LRRC74A: variants seen among roughly 807,000 people sequenced by gnomAD.
LRRC74A encodes leucine-rich repeat-containing protein 74A.
LRRC74A carries 44 observed loss-of-function variants against 57.9 expected under a neutral mutation model. That is an observed-to-expected ratio of 0.76 (90% CI 0.60 to 0.98). The LOEUF is 0.98. Among genes scored for constraint, LRRC74A ranks in the 50% least tolerant of loss-of-function variants. The pLI, the probability that LRRC74A is intolerant of heterozygous loss-of-function variation, is 0.00. For synonymous variants in LRRC74A, 211 were observed against 219.4 expected (o/e 0.96, Z 0.34); for missense variants, 572 against 574.0 (o/e 1.00, Z 0.04).
chr14:76,853,192 T>C (rs1484289527), intron 8 of LRRC74A, 24 bp from the exon 9 acceptor site: 4 of 1,577,612 alleles, frequency 2.5e-6, no homozygotes, highest in Non-Finnish European at 3.5e-6. Context: ...TTGATGCTGG[T>C]GCTGTTCTCC....
intron 7 of LRRC74A, among the ~76,000 whole-genome samples, chr14:76,848,615 C>T (rs1897253571): frequency 6.6e-6 from 1 of 152,114 alleles, no homozygotes; most frequent in Non-Finnish European, 1.5e-5. Flanking sequence ...GAACACTATA[C>T]GCAACCACAG....
chr14:76,845,209 A>G (rs1345688600), intron 7 of LRRC74A, among the ~76,000 whole-genome samples: 1 of 152,104 alleles, frequency 6.6e-6, no homozygotes, highest in African/African-American at 2.4e-5. Context: ...CTGTAATCCC[A>G]GCTACTCGGA....
At position 76,838,014 on chromosome 14, in the gene LRRC74A, G is replaced by A. The variant is rs1466254021; in HGVS notation, c.544+43G>A. ...GAGGGAGAAGACACTGGGAATCAGA[G>A]GGAGGGAAGAGGGGAAAAACAGAGA... On this transcript the variant is annotated intron_variant, in intron 5 of 13. Coordinates refer to ENST00000689127, the MANE Select transcript of LRRC74A (RefSeq NM_001385106.1). 3.1e-6 allele frequency: 4 copies of A among 1,299,174 alleles called. No individual in the cohort carries two copies. In the African/African-American group the frequency reaches 4.4e-5, roughly 14 times the overall value. The allele number at this position is 1,299,174 out of a possible 1,614,324, so 80.5% of individuals were successfully genotyped here. A position where few individuals can be genotyped will look rare whatever the true frequency, so the allele number is the denominator to read the frequency against.
At chr14:76,838,010 C>A in intron 5 of LRRC74A, 39 bp downstream of exon 5, 1 of 1,311,564 alleles carries the variant, frequency 7.6e-7, no homozygotes, top group Non-Finnish European at 1.1e-6. Flanking sequence ...CACTGGGAAT[C>A]AGAGGGAGGG....
intron 2 of LRRC74A, among the ~76,000 whole-genome samples, 192 bp from the exon 3 acceptor site, chr14:76,831,011 T>C (rs1895932878): frequency 6.6e-6 from 1 of 152,202 alleles, no homozygotes; most frequent in Non-Finnish European, 1.5e-5. Context: ...ATCTGGGACT[T>C]TCTGGAGTTA....
chr14:76,831,379 A>C lies in LRRC74A; in HGVS notation c.339+4A>C. The C allele has an allele frequency of 1.2e-6, 2 of 1,612,582 alleles. No homozygotes were observed. On this transcript the variant is annotated splice_donor_region_variant and intron_variant, in intron 3 of 13. Transcript: ENST00000689127. Reference sequence around the variant, plus strand: ...GGCTATTGCTATAGCCCTGGTGGTGAGCATGCTAGTGGGAGCTCATGAAAC... The same window carrying C: ...GGCTATTGCTATAGCCCTGGTGGTGCGCATGCTAGTGGGAGCTCATGAAAC...
chr14:76,846,092 T>G (rs1897102825), intron 7 of LRRC74A, among the ~76,000 whole-genome samples: 1 of 152,098 alleles, frequency 6.6e-6, no homozygotes, highest in African/African-American at 2.4e-5. Flanking sequence ...AAAATAGTAT[T>G]CAGAATGTTG....
intron 10 of LRRC74A, among the ~76,000 whole-genome samples, chr14:76,859,766 C>A (rs544563444): frequency 3.3e-5 from 5 of 150,034 alleles, no homozygotes; most frequent in African/African-American, 9.8e-5. Context: ...ACCTCTACCT[C>A]CCAGGTTCAA....
At chr14:76,870,066 A>G in intron 13 of LRRC74A, 59 bp from the exon 14 acceptor site, 2 of 1,567,364 alleles carry the variant, frequency 1.3e-6, no homozygotes, top group Non-Finnish European at 1.7e-6. Flanking sequence ...TAACATTCTC[A>G]CCCATCAGCC....
chr14:76,865,990 T>A lies in LRRC74A; in HGVS notation c.1223T>A (p.Ile408Asn), dbSNP rs1898755024. ...LIQSYADQHK[I>N]TIVDFFKSLN... The stretch of plus-strand genomic sequence containing the variant: ...CAGAGCTATGCAGACCAACACAAAA[T>A]CACGATCGTGGACTTCTTCAAGAGC... Residue 408 changes from isoleucine (I) to asparagine (N), a missense_variant, in exon 12 of 14, where the codon ATC becomes AAC. Ile to Asn is a moderately radical substitution (Grantham distance 149). Coordinates refer to ENST00000689127, the MANE Select transcript of LRRC74A (RefSeq NM_001385106.1). The A allele has an allele frequency of 6.3e-7, 1 of 1,599,000 alleles. No homozygotes were observed. Among genetic ancestry groups the A allele is most frequent in the East Asian group, 2.2e-5 (1 of 44,768 alleles).
At chr14:76,838,946 T>C (rs6574333) in intron 5 of LRRC74A, among the ~76,000 whole-genome samples, 98,438 of 152,104 alleles carry the variant, frequency 0.65, 32,176 homozygotes, top group East Asian at 0.89. Flanking sequence ...TGTCAGTTAT[T>C]GTTCTCCAAT....
chr14:76,862,804 G>A (rs1595397478), intron 11 of LRRC74A, among the ~76,000 whole-genome samples: 1 of 152,274 alleles, frequency 6.6e-6, no homozygotes, highest in South Asian at 2.1e-4. Flanking sequence ...ACTAACACAT[G>A]ACTCCAGGTT....
rs765598737 is a variant in LRRC74A, at chr14:76,828,525, G to T, written c.166+106G>T. The T allele has an allele frequency of 8.4e-6, 13 of 1,544,696 alleles. No homozygotes were observed. In the East Asian group the frequency reaches 2.9e-4, roughly 35 times the overall value. On this transcript the variant is annotated intron_variant, in intron 2 of 13. Coordinates refer to ENST00000689127, the MANE Select transcript of LRRC74A (RefSeq NM_001385106.1). Reference sequence around the variant, plus strand: ...CACTCCTTTCCAGAGTCTGCCCTGCGGATGGCCTGTGGAGGAAATGTGGCA... The same window carrying T: ...CACTCCTTTCCAGAGTCTGCCCTGCTGATGGCCTGTGGAGGAAATGTGGCA...
intron 11 of LRRC74A, among the ~76,000 whole-genome samples, chr14:76,863,537 C>G (rs908930820): frequency 2.0e-5 from 3 of 152,180 alleles, no homozygotes; most frequent in African/African-American, 7.2e-5. Context: ...TGGGGAAACC[C>G]TTCTTGGATT....
intron 7 of LRRC74A, among the ~76,000 whole-genome samples, chr14:76,851,019 AAAC>A (rs1436204218): frequency 6.6e-6 from 1 of 152,212 alleles, no homozygotes; most frequent in Non-Finnish European, 1.5e-5. Flanking sequence ...CCCCAAATAA[AAAC>A]AACAATAATA....
At chr14:76,826,895 AG>A (rs1349417274) in intron 1 of LRRC74A, among the ~76,000 whole-genome samples, 161 bp downstream of exon 1, 1 of 152,246 alleles carries the variant, frequency 6.6e-6, no homozygotes, top group Non-Finnish European at 1.5e-5. Context: ...CTTGGCAAAC[AG>A]GAAGAATTGG....
intron 2 of LRRC74A, among the ~76,000 whole-genome samples, chr14:76,830,969 G>A (rs1895930378): frequency 6.6e-6 from 1 of 152,180 alleles, no homozygotes; most frequent in Admixed American, 6.5e-5. Context: ...CTAAAACCAT[G>A]GGCCTCATCT....
chr14:76,864,999 A>G lies in LRRC74A; in HGVS notation c.1201-969A>G, dbSNP rs75658199. ...TGTTATACAGATAGATAGAAGTTAG[A>G]CAGATTGATGTCAGATAGATAGTTA... On this transcript the variant is annotated intron_variant, in intron 11 of 13. Coordinates refer to ENST00000689127, the MANE Select transcript of LRRC74A (RefSeq NM_001385106.1). Among the ~76,000 whole-genome samples the G allele has an allele frequency of 1.5e-4, 23 of 152,366 alleles. No individual in the cohort carries two copies. The East Asian group carries it at 4.4e-3, about 29-fold the overall frequency.
At chr14:76,852,528 C>G in intron 8 of LRRC74A, 78 bp downstream of exon 8, 1 of 1,108,016 alleles carries the variant, frequency 9.0e-7, no homozygotes, top group Non-Finnish European at 1.3e-6. Context: ...TCCTAAGCCT[C>G]TTCCTCATGG....
Sources: gnomAD v4.1 joint callset for allele counts (sites outside exome capture counted in the v4.1 genomes callset) on GRCh38, gnomAD v4.1.1 for gene constraint, MANE v1.5 for transcripts, NCBI Gene and HGNC (gene_info 2026-07-23, HGNC 2026-07-21) for gene names.